The following CCNH variants were observed in gnomAD, a reference collection of about 807,000 sequenced individuals.
CCNH encodes cyclin H, also known as cyclin-H.
Under a neutral mutation model 41.9 loss-of-function variants are expected in CCNH, and 31 were observed. The observed-to-expected ratio is 0.74, with a 90% CI of 0.56 to 1.00. The LOEUF is 1.00. CCNH is among the 50% of genes least tolerant of loss of function. The pLI is 0.00. For missense variants in CCNH, 362 were observed against 388.4 expected, an observed-to-expected ratio of 0.93 and a Z score of 0.57; for synonymous variants, 138 against 136.1, an observed-to-expected ratio of 1.01 and a Z score of -0.10.
At chr5:87,346,804 G>A in intron 9 of CCNH, 1 of 1,135,262 alleles carries the variant, frequency 8.8e-7, no homozygotes, top group East Asian at 2.4e-5. Flanking sequence ...CATGTGTTTT[G>A]CCTTTAGCAT....
chr5:87,371,765 C>T (rs931529021), downstream of CCNH, among the ~76,000 whole-genome samples: 4 of 152,038 alleles, frequency 2.6e-5, no homozygotes, highest in African/African-American at 9.7e-5. Context: ...TCAAGTATAA[C>T]AGCTTAATTA....
downstream of CCNH, chr5:87,393,518 C>T (rs1762673808): frequency 6.6e-6 from 1 of 152,180 alleles, no homozygotes; most frequent in Admixed American, 6.5e-5. Context: ...GGCCATGATT[C>T]ATATGTAAGT....
intron 1 of CCNH, 118 bp from the exon 2 acceptor site, chr5:87,411,464 C>T (rs1264264538): frequency 4.7e-6 from 4 of 845,228 alleles, no homozygotes; most frequent in East Asian, 3.0e-5. Context: ...GTATATATCA[C>T]GCCTCATTTT....
rs3093782 is a variant in CCNH at position 87,411,662 on chromosome 5, TAGAC to T, written c.118-320_118-317del. ...ATATCATTATTTATAAATTAAAAAG[TAGAC>T]AGACTTTTTAAAATATGATTGGAAA... On this transcript the variant is annotated intron_variant, in intron 1 of 8. Coordinates refer to ENST00000256897, the MANE Select transcript of CCNH (RefSeq NM_001239.4). Among the ~76,000 whole-genome samples, 1,229 of 152,184 alleles carry T rather than the reference TAGAC, an allele frequency of 8.1e-3. 40 individuals carry two copies. The highest frequency in any genetic ancestry group is 0.06 in the Admixed American group (923 of 15,264).
intron 9 of CCNH, among the ~76,000 whole-genome samples, chr5:87,342,568 A>G (rs1758552309): frequency 6.6e-6 from 1 of 152,188 alleles, no homozygotes; most frequent in Non-Finnish European, 1.5e-5. Flanking sequence ...AATAATCTTG[A>G]TCTTTCTTAT....
chr5:87,338,536 A>ATATTTTTTTTTTTTTTTTT, intron 9 of CCNH, among the ~76,000 whole-genome samples: 1 of 85,214 alleles, frequency 1.2e-5, no homozygotes, highest in African/African-American at 4.4e-5. Flanking sequence ...TATATATAAA[A>ATATTTTTTTTTTTTTTTTT]TTTTTTTTTT....
chr5:87,339,294 CTCATAG>C (rs1159442005), intron 9 of CCNH, among the ~76,000 whole-genome samples: 1 of 152,096 alleles, frequency 6.6e-6, no homozygotes, highest in Non-Finnish European at 1.5e-5. Context: ...ACAGTCCATA[CTCATAG>C]TCATATAGTT....
chr5:87,342,425 C>T (rs1011825810), intron 9 of CCNH, among the ~76,000 whole-genome samples: 1 of 152,162 alleles, frequency 6.6e-6, no homozygotes, highest in African/African-American at 2.4e-5. Context: ...TCCCAAAGTG[C>T]TGGAATTACA....
chr5:87,372,038 T>TG (rs952654415), downstream of CCNH: 376 of 799,694 alleles, frequency 4.7e-4, 1 homozygote, highest in Non-Finnish European at 6.3e-4. Flanking sequence ...TTGTTGAATT[T>TG]GAAAAAAAAA....
intron 2 of CCNH, among the ~76,000 whole-genome samples, chr5:87,410,431 T>C (rs1484886149): frequency 6.6e-6 from 1 of 152,040 alleles, no homozygotes; most frequent in African/African-American, 2.4e-5. Flanking sequence ...TTCTATGGAC[T>C]TAATATTTTC....
intron 9 of CCNH, chr5:87,353,321 T>C (rs1158133838): frequency 1.9e-5 from 20 of 1,051,080 alleles, no homozygotes; most frequent in Non-Finnish European, 2.6e-5. Context: ...ATTTGTACAA[T>C]TCAAATTGGA....
At position 87,409,372 on chromosome 5, in the gene CCNH, TA is replaced by T. The variant is rs758643562; in HGVS notation, c.241-10del. 461 of 1,424,824 alleles carry T rather than the reference TA, an allele frequency of 3.2e-4. No individual in the cohort carries two copies. The highest frequency in any genetic ancestry group is 3.7e-4 in the Middle Eastern group (2 of 5,358). The allele number at this position is 1,424,824 out of a possible 1,614,324, so 88.3% of individuals were successfully genotyped here. A position where few individuals can be genotyped will look rare whatever the true frequency, so the allele number is the denominator to read the frequency against. On this transcript the variant is annotated splice_polypyrimidine_tract_variant and intron_variant, in intron 2 of 8. Transcript: ENST00000256897. ...TACATACAAGCCGTACCCTAAGGGTTAAAAAAAATATATCATCAGGATCTAG... is the reference window on the plus strand; with the variant it reads ...TACATACAAGCCGTACCCTAAGGGTTAAAAAAATATATCATCAGGATCTAG...
At chr5:87,357,540 C>A (rs1759742479) in intron 9 of CCNH, among the ~76,000 whole-genome samples, 1 of 152,082 alleles carries the variant, frequency 6.6e-6, no homozygotes, top group African/African-American at 2.4e-5. Context: ...CCTGTCTCTA[C>A]TAAAAATACA....
chr5:87,411,712 G>A (rs1378366107), intron 1 of CCNH, among the ~76,000 whole-genome samples: 1 of 151,790 alleles, frequency 6.6e-6, no homozygotes, highest in African/African-American at 2.4e-5. Context: ...TCCGTTTCTC[G>A]GTCAGTCATT....
At chr5:87,368,682 C>T (rs909277936) in intron 9 of CCNH, among the ~76,000 whole-genome samples, 1 of 152,170 alleles carries the variant, frequency 6.6e-6, no homozygotes, top group Admixed American at 6.5e-5. Context: ...TCTCCTAGCA[C>T]TATCAAACTA....
intron 9 of CCNH, among the ~76,000 whole-genome samples, chr5:87,338,509 A>T (rs1323361260): frequency 1.1e-5 from 1 of 90,044 alleles, no homozygotes; most frequent in Admixed American, 1.1e-4. Flanking sequence ...TTTTATATAT[A>T]TATATATATA....
the CCNH span, among the ~76,000 whole-genome samples, chr5:87,312,428 A>G: frequency 6.6e-6 from 1 of 152,336 alleles, no homozygotes; most frequent in South Asian, 2.1e-4. Context: ...CAGTTACTCC[A>G]TTATGTGTAA....
At chr5:87,368,813 T>A (rs1009765866) in intron 9 of CCNH, among the ~76,000 whole-genome samples, 43 of 152,110 alleles carry the variant, frequency 2.8e-4, no homozygotes, top group Non-Finnish European at 1.5e-5. Context: ...GAATGTCGGG[T>A]TAATTATAGT....
downstream of CCNH, chr5:87,376,153 C>G (rs370449445): frequency 6.4e-5 from 35 of 549,546 alleles, no homozygotes; most frequent in Admixed American, 2.2e-4. Context: ...CTAAACTGAC[C>G]TCTATGCAAC....
Sources: allele counts gnomAD v4.1 joint callset (sites outside exome capture counted in the v4.1 genomes callset), GRCh38; gene constraint gnomAD v4.1.1; transcripts MANE v1.5; gene names NCBI Gene and HGNC (gene_info 2026-07-23, HGNC 2026-07-21).